The following TLK1 variants were observed in gnomAD, a reference collection of about 807,000 sequenced individuals.
The protein encoded by TLK1 is tousled like kinase 1, also known as serine/threonine-protein kinase tousled-like 1.
A neutral mutation model predicts 105.3 loss-of-function variants in TLK1; 24 were observed. That is an observed-to-expected ratio of 0.23 (90% confidence interval 0.17 to 0.32). The LOEUF (loss-of-function observed/expected upper bound fraction) is 0.32. TLK1 is among the 10% of genes least tolerant of loss of function. The pLI, the probability that TLK1 is intolerant of heterozygous loss-of-function variation, is 1.00. For missense variants in TLK1, 558 were observed against 910.5 expected (o/e 0.61, Z 4.98); for synonymous variants, 321 against 310.4 (o/e 1.03, Z -0.36).
At chr2:171,082,722 T>C (rs1688807274) in intron 3 of TLK1, 59 bp downstream of exon 3, 3 of 1,319,536 alleles carry the variant, frequency 2.3e-6, no homozygotes. Flanking sequence ...AAATACTAAT[T>C]AAAACGGTGA....
At chr2:171,212,726 T>G (rs1320727194) in intron 1 of TLK1, among the ~76,000 whole-genome samples, 1 of 152,188 alleles carries the variant, frequency 6.6e-6, no homozygotes, top group East Asian at 1.9e-4. Context: ...ATTAAATGCC[T>G]ACTTAGTGAT....
At chr2:171,061,023 T>G (rs1049619657) in intron 4 of TLK1, 58 bp downstream of exon 4, 3 of 1,518,834 alleles carry the variant, frequency 2.0e-6, no homozygotes, top group Non-Finnish European at 1.8e-6. Flanking sequence ...TGGTTAAAAA[T>G]TAAAACAATT....
At chr2:171,004,569 C>T (rs1480974788) in intron 18 of TLK1, among the ~76,000 whole-genome samples, 1 of 152,128 alleles carries the variant, frequency 6.6e-6, no homozygotes, top group Non-Finnish European at 1.5e-5. Flanking sequence ...CTTTGTCCCT[C>T]GAACATCTGT....
chr2:171,003,223 G>A (rs953235900), intron 18 of TLK1, among the ~76,000 whole-genome samples: 6 of 129,668 alleles, frequency 4.6e-5, no homozygotes, highest in South Asian at 4.9e-4. Flanking sequence ...GCAGTGAGCC[G>A]AGATCGCACC....
upstream of TLK1, among the ~76,000 whole-genome samples, chr2:171,161,361 T>C (rs901789824): frequency 6.6e-6 from 1 of 152,136 alleles, no homozygotes; most frequent in Non-Finnish European, 1.5e-5. Flanking sequence ...TTTCTCAAAA[T>C]GGAACTGAAA....
At chr2:171,067,160 G>GTTT (rs11399480) in intron 3 of TLK1, among the ~76,000 whole-genome samples, 38 of 141,080 alleles carry the variant, frequency 2.7e-4, no homozygotes, top group Non-Finnish European at 2.4e-4. Context: ...GTGCACTTAG[G>GTTT]TTTTTTTTTT....
intron 2 of TLK1, among the ~76,000 whole-genome samples, chr2:171,101,497 T>G (rs1346883108): frequency 3.9e-5 from 6 of 152,122 alleles, no homozygotes; most frequent in Admixed American, 2.6e-4. Flanking sequence ...GAAGGAAAGT[T>G]GCTGCTAATG....
chr2:171,124,907 A>G (rs1690806280), intron 1 of TLK1, among the ~76,000 whole-genome samples: 1 of 152,246 alleles, frequency 6.6e-6, no homozygotes, highest in Non-Finnish European at 1.5e-5. Flanking sequence ...AATTGTATCA[A>G]TAACATCTGC....
chr2:171,093,592 T>C (rs966385676), intron 2 of TLK1, among the ~76,000 whole-genome samples: 3 of 151,818 alleles, frequency 2.0e-5, no homozygotes, highest in African/African-American at 7.3e-5. Context: ...TGGGCTACAG[T>C]GGTAAGGTAG....
intron 1 of TLK1, among the ~76,000 whole-genome samples, chr2:171,149,099 C>CTTTTTTT (rs11335300): frequency 3.5e-5 from 2 of 57,872 alleles, no homozygotes; most frequent in East Asian, 5.8e-4. Context: ...AATTACTTTT[C>CTTTTTTT]TTTTTTTTTT....
intron 12 of TLK1, among the ~76,000 whole-genome samples, chr2:171,020,459 G>T (rs935517649): frequency 4.6e-5 from 7 of 151,480 alleles, no homozygotes; most frequent in African/African-American, 1.5e-4. Context: ...TGAATCGCTT[G>T]AACCCAGGAG....
chr2:171,229,343 T>C (rs13382841), intron 1 of TLK1, among the ~76,000 whole-genome samples: 8,289 of 152,268 alleles, frequency 0.054, 488 homozygotes, highest in East Asian at 0.25. Flanking sequence ...TTGCCTGTCT[T>C]CCTCAGCCCA....
intron 3 of TLK1, among the ~76,000 whole-genome samples, chr2:171,078,980 G>A (rs1180640402): frequency 6.6e-6 from 1 of 152,130 alleles, no homozygotes; most frequent in Non-Finnish European, 1.5e-5. Context: ...AAATACAAGG[G>A]TCTTCAAACC....
Position 171,049,875 on chromosome 2 carries a change from T to C in TLK1, c.919A>G (p.Arg307Gly), listed in dbSNP as rs1467823713. Residue 307 changes from arginine (R) to glycine (G), a missense_variant, in exon 10 of 21, where the codon AGA becomes GGA. By Grantham distance (125) the Arg-to-Gly change is moderately radical. Transcript: ENST00000431350. ...TGTTCAGTAAATGAAGCGCCATGTCTAACTGTTGTAAAGTGCCCGAGGCGT... is the reference window on the plus strand; with the variant it reads ...TGTTCAGTAAATGAAGCGCCATGTCCAACTGTTGTAAAGTGCCCGAGGCGT... ...RLRLGHFTTV[R>G]HGASFTEQWT... 1.2e-6 allele frequency: 2 copies of C among 1,613,998 alleles called. No individual in the cohort carries two copies. The highest frequency in any genetic ancestry group is 1.7e-5 in the Admixed American group (1 of 60,014).
chr2:171,139,428 T>C (rs1243051452), intron 1 of TLK1, among the ~76,000 whole-genome samples: 5 of 151,782 alleles, frequency 3.3e-5, no homozygotes, highest in African/African-American at 1.2e-4. Context: ...CGAAACCCTG[T>C]CTTTACTAAA....
intron 18 of TLK1, among the ~76,000 whole-genome samples, chr2:171,001,497 A>C (rs1465770525): frequency 3.3e-5 from 5 of 152,224 alleles, no homozygotes; most frequent in African/African-American, 1.2e-4. Flanking sequence ...CTTGTTGTAT[A>C]GGCAAAAGAC....
chr2:171,065,791 C>T (rs995591787), intron 3 of TLK1, among the ~76,000 whole-genome samples: 10 of 152,220 alleles, frequency 6.6e-5, no homozygotes, highest in African/African-American at 2.2e-4. Context: ...CCCATCTTGG[C>T]CTCCCAGAGT....
chr2:171,110,719 G>GCT (rs1690125228), intron 2 of TLK1, among the ~76,000 whole-genome samples: 1 of 152,168 alleles, frequency 6.6e-6, no homozygotes, highest in Admixed American at 6.5e-5. Flanking sequence ...CAACCTAGAG[G>GCT]AGTTGACTAC....
At chr2:171,206,300 A>G (rs1446817040) in intron 1 of TLK1, among the ~76,000 whole-genome samples, 1 of 152,214 alleles carries the variant, frequency 6.6e-6, no homozygotes, top group Non-Finnish European at 1.5e-5. Flanking sequence ...AAAATATGGC[A>G]TGCGTTTGTC....
Sources: allele counts gnomAD v4.1 joint callset (sites outside exome capture counted in the v4.1 genomes callset), GRCh38; gene constraint gnomAD v4.1.1; transcripts MANE v1.5; gene names NCBI Gene and HGNC (gene_info 2026-07-23, HGNC 2026-07-21).